Variants in SLC25A3 observed in about 807,000 individuals in gnomAD.
SLC25A3 encodes phosphate transport protein.
SLC25A3 carries 14 observed loss-of-function variants against 37.1 expected under a neutral mutation model. The ratio of observed to expected loss-of-function variants is 0.38; its 90% CI spans 0.25 to 0.59. The LOEUF is 0.59. SLC25A3 is among the 20% of genes least tolerant of loss of function. The pLI is 0.67. For synonymous variants in SLC25A3, 161 were observed against 168.7 expected, an observed-to-expected ratio of 0.95 and a Z score of 0.36; for missense variants, 385 against 458.1, an observed-to-expected ratio of 0.84 and a Z score of 1.46.
rs1437094834 is a variant in SLC25A3 at position 98,602,567 on chromosome 12, T to G, written c.*1039T>G. 6.6e-6 allele frequency: 1 copy of G among 152,192 alleles called. No individual in the cohort carries two copies. Among genetic ancestry groups the G allele is most frequent in the Non-Finnish European group, 1.5e-5 (1 of 68,034 alleles). The allele number at this position is 152,192 out of a possible 1,614,324, so 9.4% of individuals were successfully genotyped here. A position where few individuals can be genotyped will look rare whatever the true frequency, so the allele number is the denominator to read the frequency against. ...ATGCCACTGGGGAAAAAGCATTCCA[T>G]CATACTTAGATACGAGATTGGATTG... is the stretch of plus-strand genomic sequence containing the variant. On this transcript the variant is annotated 3_prime_UTR_variant, in exon 8 of 8. Transcript: ENST00000552981.
intron 1 of SLC25A3, 22 bp downstream of exon 1, chr12:98,593,762 C>T (rs1565828299): frequency 1.6e-6 from 1 of 613,148 alleles, no homozygotes; most frequent in South Asian, 1.9e-5. Context: ...CGGGCCTTCT[C>T]CTGTGGCGGG....
intron 3 of SLC25A3, among the ~76,000 whole-genome samples, chr12:98,596,100 C>A (rs528743851): frequency 1.3e-5 from 2 of 152,138 alleles, no homozygotes; most frequent in Non-Finnish European, 2.9e-5. Context: ...CACTTCTGGC[C>A]GGAGTTCTTC....
chr12:98,600,507 G>A (rs1244379533), intron 6 of SLC25A3, among the ~76,000 whole-genome samples: 1 of 152,178 alleles, frequency 6.6e-6, no homozygotes, highest in East Asian at 1.9e-4. Flanking sequence ...CCGCCTCCTG[G>A]GTTCAAGCGA....
chr12:98,598,824 G>A (rs2097595298), intron 5 of SLC25A3, 121 bp downstream of exon 5: 10 of 906,894 alleles, frequency 1.1e-5, no homozygotes, highest in Non-Finnish European at 1.2e-5. Flanking sequence ...CACCCAGGCT[G>A]GAGTGCAGTG....
At chr12:98,598,840 A>G in intron 5 of SLC25A3, 137 bp downstream of exon 5, 1 of 776,160 alleles carries the variant, frequency 1.3e-6, no homozygotes, top group Non-Finnish European at 2.0e-6. Context: ...CAGTGGCGTG[A>G]TCTCGGCTCA....
intron 6 of SLC25A3, 176 bp from the exon 7 acceptor site, chr12:98,600,991 TTAAA>T (rs1260542670): frequency 1.6e-6 from 1 of 624,166 alleles, no homozygotes; most frequent in African/African-American, 1.9e-5. Flanking sequence ...CTGAAAAACT[TTAAA>T]AGATTGTTCC....
rs2097600743 is a variant in SLC25A3, at chr12:98,605,481, C to T, written c.*3953C>T. 1 of 151,940 alleles carries T rather than the reference C, an allele frequency of 6.6e-6. No homozygotes were observed. The highest frequency in any genetic ancestry group is 2.1e-4 in the South Asian group (1 of 4,822). The allele number at this position is 151,940 out of a possible 1,614,324, so 9.4% of individuals were successfully genotyped here. On this transcript the variant is annotated 3_prime_UTR_variant, in exon 8 of 8. Transcript: ENST00000552981. The stretch of plus-strand genomic sequence containing the variant: ...TAATGTTAATGAAGCGCATAGCAGT[C>T]ACTAGTAAATTAGGAGTTATACATT...
chr12:98,600,928 A>AT (rs2097597348), intron 6 of SLC25A3: 2 of 436,836 alleles, frequency 4.6e-6, no homozygotes, highest in South Asian at 2.3e-5. Flanking sequence ...CTGTTGCACC[A>AT]TTTTTTTGTT....
At chr12:98,597,272 A>G (rs1356556871) in intron 3 of SLC25A3, among the ~76,000 whole-genome samples, 2 of 152,232 alleles carry the variant, frequency 1.3e-5, no homozygotes, top group Non-Finnish European at 2.9e-5. Context: ...GAACAATAAT[A>G]AACAGTGATA....
intron 2 of SLC25A3, chr12:98,594,928 G>A (rs771947815): frequency 1.3e-4 from 24 of 184,754 alleles, no homozygotes; most frequent in Middle Eastern, 2.7e-3. Context: ...TACACTATCT[G>A]TCGTTCAGTT....
At chr12:98,599,914 A>G (rs1340683629) in intron 5 of SLC25A3, 41 bp from the exon 6 acceptor site, 2 of 1,609,330 alleles carry the variant, frequency 1.2e-6, no homozygotes, top group East Asian at 4.5e-5. Context: ...CTGATAGATG[A>G]GTGTATGCAA....
intron 3 of SLC25A3, 24 bp from the exon 4 acceptor site, chr12:98,597,832 T>G (rs1002972318): frequency 6.2e-7 from 1 of 1,608,526 alleles, no homozygotes; most frequent in African/African-American, 1.3e-5. Flanking sequence ...GCATTTAATT[T>G]TTTTTTTCTT....
rs1177341315 is a variant in SLC25A3 at position 98,601,519 on chromosome 12, A to T, written c.1077A>T (p.Leu359Phe). Residue 359 changes from leucine (L) to phenylalanine (F), a missense_variant, in exon 8 of 8, where the codon TTA (leucine) becomes TTT (phenylalanine). Around this residue, in one of 2 missense-constraint regions of SLC25A3, gnomAD observed 276 missense variants for 367.6 expected, o/e 0.75. Transcript: ENST00000552981. ...AGTCTCTGAAGAAGAAGCTTGGGTT[A>T]ACTCAGTAGTTAGATCAAAGCAAAT... Reference protein sequence around the residue: ...MPESLKKKLGLTQ With the variant: ...MPESLKKKLGFTQ 3 of 1,609,564 alleles carry T rather than the reference A, an allele frequency of 1.9e-6. No individual in the cohort carries two copies. The highest frequency in any genetic ancestry group is 1.7e-6 in the Non-Finnish European group (2 of 1,175,832).
Position 98,606,346 on chromosome 12 carries a change from T to G in SLC25A3, c.*4818T>G, listed in dbSNP as rs556618503. ...CGGCATCTTGTAAAAATTAAAAAATTAAACATAAATAAAAGTTCAAACTAT... is the reference window on the plus strand; with the variant it reads ...CGGCATCTTGTAAAAATTAAAAAATGAAACATAAATAAAAGTTCAAACTAT... On this transcript the variant is annotated 3_prime_UTR_variant, in exon 8 of 8. Coordinates refer to ENST00000552981, the MANE Select transcript of SLC25A3 (RefSeq NM_002635.4). 5.9e-5 allele frequency: 9 copies of G among 152,170 alleles called. No homozygotes were observed. Among genetic ancestry groups the G allele is most frequent in the Non-Finnish European group, 1.3e-4 (9 of 68,026 alleles). 9.4% of individuals were successfully genotyped at this position (152,170 alleles called of 1,614,324 possible). A position where few individuals can be genotyped will look rare whatever the true frequency, so the allele number is the denominator to read the frequency against.
rs371837590 is a variant in SLC25A3, at chr12:98,602,170, CT to C, written c.*655del. The C allele has an allele frequency of 2.1e-3, 300 of 146,014 alleles. No individual in the cohort carries two copies. The highest frequency in any genetic ancestry group is 0.012 in the South Asian group (55 of 4,658). The allele number at this position is 146,014 out of a possible 1,614,324, so 9.0% of individuals were successfully genotyped here. On this transcript the variant is annotated 3_prime_UTR_variant, in exon 8 of 8. Transcript: ENST00000552981. Reference sequence around the variant, plus strand: ...ACTAATTCTCTTTACACAGATCTGACTTTTTTTTTTTTTGAGACGGAGTTTC... The same window carrying C: ...ACTAATTCTCTTTACACAGATCTGACTTTTTTTTTTTTGAGACGGAGTTTC...
At position 98,605,612 on chromosome 12, in the gene SLC25A3, G is replaced by GT. The variant is rs1411894808; in HGVS notation, c.*4086dup. 6.6e-6 allele frequency: 1 copy of GT among 152,022 alleles called. No homozygotes were observed. The highest frequency in any genetic ancestry group is 2.4e-5 in the African/African-American group (1 of 41,374). 9.4% of individuals were successfully genotyped at this position (152,022 alleles called of 1,614,324 possible). A position where few individuals can be genotyped will look rare whatever the true frequency, so the allele number is the denominator to read the frequency against. On this transcript the variant is annotated 3_prime_UTR_variant, in exon 8 of 8. Transcript: ENST00000552981. ...GTGGGCGGATTGCTTGAGGTCAGGA[G>GT]TTCAAGAACAGCCTGGCCAACATGA...
intron 2 of SLC25A3, 49 bp downstream of exon 2, chr12:98,594,184 G>A (rs865931254): frequency 6.7e-7 from 1 of 1,488,414 alleles, no homozygotes; most frequent in Non-Finnish European, 9.2e-7. Flanking sequence ...CTTGTGGGCC[G>A]CCCAGCCTTT....
At position 98,603,679 on chromosome 12, in the gene SLC25A3, A is replaced by G. The variant is rs377412587; in HGVS notation, c.*2151A>G. 2.6e-5 allele frequency: 4 copies of G among 152,250 alleles called. No individual in the cohort carries two copies. In the East Asian group the frequency reaches 5.8e-4, roughly 22 times the overall value. 9.4% of individuals were successfully genotyped at this position (152,250 alleles called of 1,614,324 possible). A position where few individuals can be genotyped will look rare whatever the true frequency, so the allele number is the denominator to read the frequency against. ...TTTCCTAAGAGTTATAATAGGTTTT[A>G]TTTGTGGGCATTGATACAAAATACG... On this transcript the variant is annotated 3_prime_UTR_variant, in exon 8 of 8. Transcript: ENST00000552981.
chr12:98,602,745 A>G lies in SLC25A3; in HGVS notation c.*1217A>G, dbSNP rs2097598859. 1 of 152,250 alleles carries G rather than the reference A, an allele frequency of 6.6e-6. No homozygotes were observed. Among genetic ancestry groups the G allele is most frequent in the Non-Finnish European group, 1.5e-5 (1 of 68,046 alleles). 9.4% of individuals were successfully genotyped at this position (152,250 alleles called of 1,614,324 possible). A position where few individuals can be genotyped will look rare whatever the true frequency, so the allele number is the denominator to read the frequency against. On this transcript the variant is annotated 3_prime_UTR_variant, in exon 8 of 8. Transcript: ENST00000552981. ...AAAAACGAAAAACCTAGTGTAATAT[A>G]TAACATGCTGTTTTTCAAACACTAG...
Sources: allele counts gnomAD v4.1 joint callset (sites outside exome capture counted in the v4.1 genomes callset), GRCh38; gene constraint gnomAD v4.1.1; regional missense constraint gnomAD v4.1.1; transcripts MANE v1.5; gene names NCBI Gene and HGNC (gene_info 2026-07-23, HGNC 2026-07-21).